The following CCDC91 variants were observed in gnomAD, a reference collection of about 807,000 sequenced individuals.
CCDC91 encodes coiled-coil domain containing 91, also known as coiled-coil domain-containing protein 91.
A neutral mutation model predicts 63.2 loss-of-function variants in CCDC91; 48 were observed. That is an observed-to-expected ratio of 0.76 (90% CI 0.60 to 0.97). CCDC91 has a LOEUF of 0.97. Ranked by LOEUF, CCDC91 falls within the 50% of genes least tolerant of loss-of-function variation. The probability of loss-of-function intolerance (pLI) is 0.00; values close to 1 mark genes in which losing one functional copy is unlikely to be tolerated. For missense variants in CCDC91, 500 were observed against 494.6 expected (o/e 1.01, Z -0.10); for synonymous variants, 167 against 165.8 (o/e 1.01, Z -0.06).
In CCDC91 at chr12:28,450,406, A is replaced by G. The variant is rs1949745282; in HGVS notation, c.912A>G (p.Val304=). The G allele has an allele frequency of 1.2e-6, 2 of 1,611,246 alleles. No homozygotes were observed. Among genetic ancestry groups the G allele is most frequent in the African/African-American group, 2.7e-5 (2 of 74,844 alleles). The part of the protein sequence containing the change: ...EERQRNKEAL[V]SAAKLEKEAV... ...GGCAAAGAAATAAAGAGGCATTAGT[A>G]TCCGCTGCAAAGGTATTTCCATCTG... is the stretch of plus-strand genomic sequence containing the variant. The change falls in exon 10 of 13, where the codon GTA becomes GTG. Residue 304 remains valine (V), a synonymous_variant. Coordinates refer to ENST00000536442, the MANE Select transcript of CCDC91 (RefSeq NM_018318.5).
intron 11 of CCDC91, among the ~76,000 whole-genome samples, chr12:28,462,046 C>T (rs576742842): frequency 6.6e-6 from 1 of 151,878 alleles, no homozygotes; most frequent in South Asian, 2.1e-4. Context: ...CATAAGGATG[C>T]TGCAAGTTTT....
chr12:28,274,536 C>G (rs1320793314), intron 3 of CCDC91, among the ~76,000 whole-genome samples: 2 of 152,084 alleles, frequency 1.3e-5, no homozygotes, highest in African/African-American at 2.4e-5. Context: ...GTTTGTAGCT[C>G]TCCTTGAAGA....
At chr12:28,514,696 T>C (rs1939743677) in intron 12 of CCDC91, among the ~76,000 whole-genome samples, 4 of 151,968 alleles carry the variant, frequency 2.6e-5, no homozygotes, top group African/African-American at 7.2e-5. Context: ...AGTTTCAGTC[T>C]TCTCCATATG....
rs1467637737 is a variant in CCDC91 at position 28,362,438 on chromosome 12, GA to G, written c.582del (p.Lys194AsnfsTer9). The G allele has an allele frequency of 1.3e-6, 2 of 1,567,348 alleles. No homozygotes were observed. Among genetic ancestry groups the G allele is most frequent in the East Asian group, 2.3e-5 (1 of 43,502 alleles). ...SFQDRYKELQ[E>X]KHKQELEDMR... ...GGTTTTAGTTTCTTTTTTCTTTCAG[GA>G]AAAACATAAACAAGAATTGGAAGAC... is the stretch of plus-strand genomic sequence containing the variant. On this transcript the variant is annotated frameshift_variant and splice_region_variant, in exon 7 of 13. Transcript: ENST00000536442. LOFTEE classifies it high-confidence loss of function.
chr12:28,457,311 A>AC (rs1043762972), intron 11 of CCDC91, among the ~76,000 whole-genome samples: 8 of 151,880 alleles, frequency 5.3e-5, no homozygotes, highest in African/African-American at 1.9e-4. Context: ...AACTGAAGGG[A>AC]CTGACTTTTT....
intron 8 of CCDC91, among the ~76,000 whole-genome samples, chr12:28,428,121 C>T (rs529365089): frequency 6.6e-6 from 1 of 152,128 alleles, no homozygotes; most frequent in South Asian, 2.1e-4. Context: ...TTAATATTCT[C>T]TTTTTCACTA....
intron 12 of CCDC91, among the ~76,000 whole-genome samples, chr12:28,488,571 G>GA (rs1419248692): frequency 2.0e-5 from 3 of 150,598 alleles, no homozygotes; most frequent in Non-Finnish European, 4.4e-5. Flanking sequence ...TAATCCTGAG[G>GA]AAAAAAAAGG....
At chr12:28,232,713 G>A (rs1437904497) in intron 1 of CCDC91, among the ~76,000 whole-genome samples, 1 of 152,066 alleles carries the variant, frequency 6.6e-6, no homozygotes, top group East Asian at 1.9e-4. Context: ...CTTTAAAACT[G>A]TTATGACTGA....
intron 1 of CCDC91, among the ~76,000 whole-genome samples, chr12:28,193,619 A>C (rs1189389489): frequency 2.6e-5 from 4 of 151,760 alleles, no homozygotes; most frequent in Admixed American, 2.6e-4. Flanking sequence ...AAAAAAAAAA[A>C]GAAGGAAATT....
At chr12:28,244,450 T>G (rs1449343034) in intron 1 of CCDC91, among the ~76,000 whole-genome samples, 1 of 150,608 alleles carries the variant, frequency 6.6e-6, no homozygotes, top group Non-Finnish European at 1.5e-5. Flanking sequence ...TTTATTATGC[T>G]TATGAATTCT....
intron 6 of CCDC91, among the ~76,000 whole-genome samples, chr12:28,311,946 A>T (rs1240811217): frequency 6.6e-6 from 1 of 151,998 alleles, no homozygotes; most frequent in Non-Finnish European, 1.5e-5. Context: ...CATTCCTTGG[A>T]TTCCCAGGTC....
chr12:28,357,760 T>A (rs976836200), intron 6 of CCDC91, among the ~76,000 whole-genome samples: 1 of 152,140 alleles, frequency 6.6e-6, no homozygotes, highest in African/African-American at 2.4e-5. Flanking sequence ...ATTTATAAAA[T>A]GAACATATTG....
chr12:28,384,924 G>A (rs1180685729), intron 7 of CCDC91, among the ~76,000 whole-genome samples: 3 of 151,910 alleles, frequency 2.0e-5, no homozygotes, highest in Non-Finnish European at 4.4e-5. Flanking sequence ...CTTACGATTT[G>A]TTTGCAGTTT....
intron 12 of CCDC91, among the ~76,000 whole-genome samples, chr12:28,542,252 CAG>C (rs1942679771): frequency 6.6e-6 from 1 of 151,946 alleles, no homozygotes; most frequent in African/African-American, 2.4e-5. Context: ...TGACTCAAAA[CAG>C]AGAATTTACT....
intron 12 of CCDC91, among the ~76,000 whole-genome samples, chr12:28,526,224 G>C (rs1466318729): frequency 6.6e-6 from 1 of 151,314 alleles, no homozygotes; most frequent in Non-Finnish European, 1.5e-5. Context: ...AAGAGGTTCT[G>C]TTTTGATGTG....
At chr12:28,540,424 T>A (rs957536167) in intron 12 of CCDC91, among the ~76,000 whole-genome samples, 2 of 152,164 alleles carry the variant, frequency 1.3e-5, no homozygotes, top group African/African-American at 4.8e-5. Flanking sequence ...CCTTGACAGG[T>A]TTTTGCATTA....
chr12:28,407,890 C>T (rs1281354308), intron 8 of CCDC91, among the ~76,000 whole-genome samples: 1 of 151,148 alleles, frequency 6.6e-6, no homozygotes, highest in Non-Finnish European at 1.5e-5. Flanking sequence ...TTTCAATTAT[C>T]TCATGCTTGC....
chr12:28,232,658 G>T (rs1052629947), intron 1 of CCDC91, among the ~76,000 whole-genome samples: 1 of 152,096 alleles, frequency 6.6e-6, no homozygotes, highest in African/African-American at 2.4e-5. Flanking sequence ...GAGATACCTT[G>T]TTAATTTAGT....
intron 11 of CCDC91, among the ~76,000 whole-genome samples, chr12:28,476,309 A>C (rs1951088268): frequency 6.6e-6 from 1 of 152,184 alleles, no homozygotes; most frequent in African/African-American, 2.4e-5. Context: ...AGAACTCAGG[A>C]TTAAGAAACT....
Sources: allele counts gnomAD v4.1 joint callset (sites outside exome capture counted in the v4.1 genomes callset), GRCh38; gene constraint gnomAD v4.1.1; transcripts MANE v1.5; gene names NCBI Gene and HGNC (gene_info 2026-07-23, HGNC 2026-07-21).